The following NADK2 variants were observed in gnomAD, a reference collection of about 807,000 sequenced individuals.
The protein encoded by NADK2 is NAD kinase 2, mitochondrial.
Under a neutral mutation model 62.1 loss-of-function variants are expected in NADK2, and 35 were observed. The observed-to-expected ratio is 0.56, with a 90% CI of 0.43 to 0.75. The LOEUF (loss-of-function observed/expected upper bound fraction) is 0.75. Ranked by LOEUF, NADK2 falls within the 30% of genes least tolerant of loss-of-function variation. NADK2 has a pLI of 0.00. For synonymous variants in NADK2, 205 were observed against 207.9 expected, an observed-to-expected ratio of 0.99 and a Z score of 0.12; for missense variants, 439 against 561.3, an observed-to-expected ratio of 0.78 and a Z score of 2.20.
intron 1 of NADK2, among the ~76,000 whole-genome samples, chr5:36,235,886 A>AAT (rs879702521): frequency 0.025 from 466 of 18,394 alleles, 13 homozygotes; most frequent in Admixed American, 0.11. Context: ...TTATGAAGAA[A>AAT]ATATATATAT....
intron 8 of NADK2, among the ~76,000 whole-genome samples, chr5:36,206,546 A>T (rs57942339): frequency 0.061 from 9,243 of 152,110 alleles, 739 homozygotes; most frequent in African/African-American, 0.19. Flanking sequence ...TCTCTAGAGC[A>T]TGGAGTCAGG....
rs575293474 is a variant in NADK2, at chr5:36,205,846, A to C, written c.956+1324T>G. On this transcript the variant is annotated intron_variant, in intron 8 of 11. Transcript: ENST00000381937. The surrounding 1 kb of genome is among the most constrained non-coding windows in gnomAD (Gnocchi z 4.1). ...CTACTATAAAGACACATGCACATGT[A>C]TATTTATTGTGGCACTATTCACAAT... is the stretch of plus-strand genomic sequence containing the variant. Among the ~76,000 whole-genome samples, 2 of 152,196 alleles carry C rather than the reference A, an allele frequency of 1.3e-5. No homozygotes were observed. The highest frequency in any genetic ancestry group is 2.9e-5 in the Non-Finnish European group (2 of 68,038).
chr5:36,203,195 G>T lies in NADK2; in HGVS notation c.957-2034C>A, dbSNP rs1305024781. Among the ~76,000 whole-genome samples the T allele has an allele frequency of 2.6e-5, 4 of 152,210 alleles. No individual in the cohort carries two copies. The East Asian group carries it at 5.8e-4, about 22-fold the overall frequency. ...ATGAAACTTTTTGGATTCTACTTAT[G>T]AAAATAAAATCACCTACTTCCAGAG... On this transcript the variant is annotated intron_variant, in intron 8 of 11. Coordinates refer to ENST00000381937, the MANE Select transcript of NADK2 (RefSeq NM_001085411.3).
At chr5:36,197,802 C>T (rs1746289414) in intron 10 of NADK2, 138 bp from the exon 11 acceptor site, 1 of 651,080 alleles carries the variant, frequency 1.5e-6, no homozygotes, top group Non-Finnish European at 2.4e-6. Context: ...AAACTCGTAA[C>T]ACATATTCCA....
Position 36,217,770 on chromosome 5 carries a change from G to A in NADK2, c.759C>T (p.Asn253=). 3.1e-6 allele frequency: 5 copies of A among 1,613,866 alleles called. No homozygotes were observed. The highest frequency in any genetic ancestry group is 4.2e-6 in the Non-Finnish European group (5 of 1,179,844). ...TACTTTCATCATGAGCTCTTTCAAT[G>A]TTAAGGGCTCTATTGTGCTGATTCA... ...LSLNQHNRAL[N]IERAHDERSE... The change falls in exon 6 of 12, where the codon AAC becomes AAT. Residue 253 remains asparagine, a synonymous_variant. Transcript: ENST00000381937.
At chr5:36,207,805 A>G (rs1746696108) in intron 7 of NADK2, among the ~76,000 whole-genome samples, 1 of 152,146 alleles carries the variant, frequency 6.6e-6, no homozygotes, top group African/African-American at 2.4e-5. Context: ...AAAATTCTCA[A>G]CCAATACTGG....
chr5:36,193,426 A>T lies in NADK2; in HGVS notation c.*1718T>A, dbSNP rs1746095717. 6.7e-6 allele frequency: 1 copy of T among 149,000 alleles called. No homozygotes were observed. Among genetic ancestry groups the T allele is most frequent in the Admixed American group, 6.8e-5 (1 of 14,748 alleles). The allele number at this position is 149,000 out of a possible 1,614,324, so 9.2% of individuals were successfully genotyped here. A position where few individuals can be genotyped will look rare whatever the true frequency, so the allele number is the denominator to read the frequency against. ...GGGAGATGGAGGTTGCAGAGCCGAG[A>T]TCATGCCACTGCAGTCCAGCCTGGG... On this transcript the variant is annotated 3_prime_UTR_variant, in exon 12 of 12. Transcript: ENST00000381937.
rs115293802 is a variant in NADK2, at chr5:36,218,707, A to G, written c.645-823T>C. Reference sequence around the variant, plus strand: ...TAGCTCTCTCAAATATAATTGGCCAACCTCATGCTCCTTCCTCCACCTTCC... The same window carrying G: ...TAGCTCTCTCAAATATAATTGGCCAGCCTCATGCTCCTTCCTCCACCTTCC... On this transcript the variant is annotated intron_variant, in intron 5 of 11. Transcript: ENST00000381937. Among the ~76,000 whole-genome samples, 668 of 152,290 alleles carry G rather than the reference A, an allele frequency of 4.4e-3. 6 individuals are homozygous for G. Among genetic ancestry groups the G allele is most frequent in the African/African-American group, 0.015 (630 of 41,556 alleles).
chr5:36,240,618 A>G (rs985713315), intron 1 of NADK2, among the ~76,000 whole-genome samples: 1 of 152,158 alleles, frequency 6.6e-6, no homozygotes, highest in Admixed American at 6.5e-5. Flanking sequence ...GTGGTATGGG[A>G]TCAGAAACTG....
Position 36,241,605 on chromosome 5 carries a change from C to G in NADK2, c.194G>C (p.Gly65Ala), listed in dbSNP as rs747187091. The part of the protein sequence containing the change: ...LAGCGSRADG[G>A]FRPSRVVVVA... ...CACCACCACCCGGGAGGGGCGGAAG[C>G]CGCCGTCCGCGCGGCTGCCACAGCC... The change falls in exon 1 of 12, where the codon GGC (glycine) becomes GCC (alanine). Residue 65 changes from glycine (G) to alanine (A), a missense_variant. By Grantham distance (60) the Gly-to-Ala change is moderately conservative. Coordinates refer to ENST00000381937, the MANE Select transcript of NADK2 (RefSeq NM_001085411.3). The surrounding 1 kb of genome is among the most constrained non-coding windows in gnomAD (Gnocchi z 4.9). 1 of 1,502,776 alleles carries G rather than the reference C, an allele frequency of 6.7e-7. No homozygotes were observed. Among genetic ancestry groups the G allele is most frequent in the African/African-American group, 1.5e-5 (1 of 68,952 alleles). The allele number at this position is 1,502,776 out of a possible 1,614,324, so 93.1% of individuals were successfully genotyped here. A position where few individuals can be genotyped will look rare whatever the true frequency, so the allele number is the denominator to read the frequency against.
Position 36,241,865 on chromosome 5 carries a change from T to C in NADK2, c.-67A>G. ...TGCCTCAGCTCCCTACCGCCGGGAG[T>C]GCGCGCCGTCCGCGCCGCCCGGGCC... is the stretch of plus-strand genomic sequence containing the variant. On this transcript the variant is annotated 5_prime_UTR_variant, in exon 1 of 12. Coordinates refer to ENST00000381937, the MANE Select transcript of NADK2 (RefSeq NM_001085411.3). This position sits in a 1 kb window ranked among gnomAD's most constrained non-coding sequence, Gnocchi z 4.9. The C allele has an allele frequency of 1.7e-6, 2 of 1,146,394 alleles. No individual in the cohort carries two copies. The highest frequency in any genetic ancestry group is 2.1e-6 in the Non-Finnish European group (2 of 930,480). The allele number at this position is 1,146,394 out of a possible 1,614,324, so 71.0% of individuals were successfully genotyped here. A position where few individuals can be genotyped will look rare whatever the true frequency, so the allele number is the denominator to read the frequency against.
At chr5:36,219,488 G>C in intron 5 of NADK2, 108 bp downstream of exon 5, 1 of 935,794 alleles carries the variant, frequency 1.1e-6, no homozygotes, top group Non-Finnish European at 1.7e-6. Context: ...TGGGATTACA[G>C]GCGTGAGATA....
chr5:36,214,945 T>C (rs943682701), intron 6 of NADK2, among the ~76,000 whole-genome samples: 5 of 152,222 alleles, frequency 3.3e-5, no homozygotes, highest in African/African-American at 1.2e-4. Context: ...TCTTTATTTA[T>C]ATAGCATTTA....
intron 5 of NADK2, 107 bp from the exon 6 acceptor site, chr5:36,217,991 G>GT: frequency 1.1e-6 from 1 of 952,228 alleles, no homozygotes; most frequent in Non-Finnish European, 1.5e-6. Context: ...CTAGTTACCA[G>GT]TTATTCCATG....
chr5:36,238,952 T>C (rs1471999290), intron 1 of NADK2, among the ~76,000 whole-genome samples: 1 of 152,100 alleles, frequency 6.6e-6, no homozygotes, highest in African/African-American at 2.4e-5. Context: ...AGTTAGAAAA[T>C]CATCAGCCTT....
intron 5 of NADK2, among the ~76,000 whole-genome samples, chr5:36,218,744 T>C (rs1747140749): frequency 6.6e-6 from 1 of 152,216 alleles, no homozygotes; most frequent in Admixed American, 6.5e-5. Context: ...CTTTTCCTGA[T>C]GGTCTGACCA....
intron 4 of NADK2, among the ~76,000 whole-genome samples, chr5:36,220,189 AT>A (rs1288528232): frequency 6.6e-6 from 1 of 152,258 alleles, no homozygotes; most frequent in African/African-American, 2.4e-5. Context: ...CTGAAATGTC[AT>A]TTAAGATATC....
intron 6 of NADK2, among the ~76,000 whole-genome samples, chr5:36,217,071 A>C (rs894365257): frequency 2.0e-5 from 3 of 152,184 alleles, no homozygotes; most frequent in Non-Finnish European, 4.4e-5. Context: ...AGAGGCAGAA[A>C]GCAAAAATGT....
chr5:36,210,889 T>C (rs1746816311), intron 7 of NADK2, among the ~76,000 whole-genome samples: 1 of 152,228 alleles, frequency 6.6e-6, no homozygotes, highest in African/African-American at 2.4e-5. Flanking sequence ...AACAGTGACA[T>C]GCACATCTAG....
Sources: gnomAD v4.1 joint callset for allele counts (sites outside exome capture counted in the v4.1 genomes callset) on GRCh38, gnomAD v4.1.1 for gene constraint, Gnocchi (gnomAD v3.1) non-coding constraint, MANE v1.5 for transcripts, NCBI Gene and HGNC (gene_info 2026-07-23, HGNC 2026-07-21) for gene names.